The following MMP8 variants were observed in gnomAD, a reference collection of about 807,000 sequenced individuals.
The protein encoded by MMP8 is matrix metallopeptidase 8, also known as neutrophil collagenase.
Under a neutral mutation model 51.2 loss-of-function variants are expected in MMP8, and 67 were observed. The ratio of observed to expected loss-of-function variants is 1.31; its 90% CI spans 1.08 to 1.60. The LOEUF (loss-of-function observed/expected upper bound fraction) is 1.60. Among genes scored for constraint, MMP8 ranks in the 40% most tolerant of loss-of-function variants. MMP8 has a pLI of 0.00. For missense variants in MMP8, 654 were observed against 558.1 expected (o/e 1.17, Z -1.73); for synonymous variants, 225 against 191.0 (o/e 1.18, Z -1.47).
rs1861500684 is a variant in MMP8, at chr11:102,722,453, C to T, written c.323G>A (p.Trp108Ter). ...CCTGTAGGTCAAGTTAGTGCGTTCC[C>T]ACTTGGGGTTTCCTGGGGTTAACAT... is the stretch of plus-strand genomic sequence containing the variant. ...GFMLTPGNPK[W>*]ERTNLTYRIR... is the part of the protein sequence containing the mutation. The change falls in exon 2 of 10, where the codon TGG (tryptophan) becomes TAG (stop). Residue 108 changes from tryptophan to a stop codon, truncating the protein, a stop_gained. Coordinates refer to ENST00000236826, the MANE Select transcript of MMP8 (RefSeq NM_002424.3). LOFTEE classifies it high-confidence loss of function. 1 of 1,613,620 alleles carries T rather than the reference C, an allele frequency of 6.2e-7. No individual in the cohort carries two copies. The highest frequency in any genetic ancestry group is 1.3e-5 in the African/African-American group (1 of 74,876).
At chr11:102,721,341 T>TG in intron 4 of MMP8, 60 bp downstream of exon 4, 14 of 1,597,002 alleles carry the variant, frequency 8.8e-6, no homozygotes, top group African/African-American at 1.3e-5. Context: ...TGTGTGTGTA[T>TG]TCTAATCTGT....
chr11:102,724,105 C>T (rs1284765460), intron 1 of MMP8, among the ~76,000 whole-genome samples: 1 of 152,138 alleles, frequency 6.6e-6, no homozygotes, highest in Non-Finnish European at 1.5e-5. Flanking sequence ...AATAATAATG[C>T]TTTCTCCAAA....
At chr11:102,719,956 C>T (rs1861419618) in intron 4 of MMP8, among the ~76,000 whole-genome samples, 1 of 152,114 alleles carries the variant, frequency 6.6e-6, no homozygotes, top group Non-Finnish European at 1.5e-5. Context: ...CATAGCATGG[C>T]AAGATGAGAG....
Position 102,715,352 on chromosome 11 carries a change from G to A in MMP8, c.988C>T (p.Gln330Ter). ...CTGTCAAAATCTTCATAAGCAGCCT[G>A]TATACCAGTTGGAAGGGATGGCCAG... ...LFWPSLPTGI[Q>*]AAYEDFDRDL... The change falls in exon 7 of 10, where the codon CAG becomes TAG. Residue 330 changes from glutamine to a stop codon, truncating the protein, a stop_gained. Transcript: ENST00000236826. LOFTEE classifies it high-confidence loss of function. 1 of 1,613,626 alleles carries A rather than the reference G, an allele frequency of 6.2e-7. No homozygotes were observed. Among genetic ancestry groups the A allele is most frequent in the East Asian group, 2.2e-5 (1 of 44,846 alleles).
chr11:102,722,590 C>T lies in MMP8; in HGVS notation c.186G>A (p.Lys62=), dbSNP rs1486213108. 1.2e-6 allele frequency: 2 copies of T among 1,613,960 alleles called. No individual in the cohort carries two copies. Among genetic ancestry groups the T allele is most frequent in the East Asian group, 2.2e-5 (1 of 44,884 alleles). The change falls in exon 2 of 10, where the codon AAG becomes AAA. Residue 62 remains lysine (K), a synonymous_variant. Coordinates refer to ENST00000236826, the MANE Select transcript of MMP8 (RefSeq NM_002424.3). ...RKNGTNVIVE[K]LKEMQRFFGL... is the part of the protein sequence containing the mutation. ...CAAAAAATCGCTGCATTTCTTTAAG[C>T]TTTTCAACGATCACATTAGTGCCAT... is the stretch of plus-strand genomic sequence containing the variant.
chr11:102,714,987 A>G (rs982049509), intron 7 of MMP8, among the ~76,000 whole-genome samples: 2 of 151,996 alleles, frequency 1.3e-5, no homozygotes, highest in South Asian at 2.1e-4. Context: ...AGTTTGTGTG[A>G]CTTTTATGCA....
At chr11:102,723,275 A>C (rs999912545) in intron 1 of MMP8, among the ~76,000 whole-genome samples, 7 of 152,208 alleles carry the variant, frequency 4.6e-5, no homozygotes, top group African/African-American at 7.2e-5. Flanking sequence ...AATTTAGTCA[A>C]AATCCAAAGA....
chr11:102,718,757 G>A (rs1861382154), intron 4 of MMP8, among the ~76,000 whole-genome samples, 182 bp from the exon 5 acceptor site: 1 of 152,140 alleles, frequency 6.6e-6, no homozygotes, highest in Admixed American at 6.5e-5. Context: ...TCAAGATAGT[G>A]GTCATAGATG....
At position 102,711,953 on chromosome 11, in the gene MMP8, CATATTTATTGTATAATAAGCT is replaced by C. The variant is rs1291161515; in HGVS notation, c.*1374_*1394del. On this transcript the variant is annotated 3_prime_UTR_variant, in exon 10 of 10. Transcript: ENST00000236826. The stretch of plus-strand genomic sequence containing the variant: ...AGTGAGAAATATATTTTACAGTCTA[CATATTTATTGTATAATAAGCT>C]ATATTATATTCTAATAACAGCAAAT... 4.6e-5 allele frequency: 7 copies of C among 152,228 alleles called. No homozygotes were observed. The highest frequency in any genetic ancestry group is 1.4e-4 in the African/African-American group (6 of 41,548). 9.4% of individuals were successfully genotyped at this position (152,228 alleles called of 1,614,324 possible).
chr11:102,711,897 A>G lies in MMP8; in HGVS notation c.*1451T>C, dbSNP rs2134286802. The G allele has an allele frequency of 6.6e-6, 1 of 152,292 alleles. No homozygotes were observed. The highest frequency in any genetic ancestry group is 2.1e-4 in the South Asian group (1 of 4,820). The allele number at this position is 152,292 out of a possible 1,614,324, so 9.4% of individuals were successfully genotyped here. On this transcript the variant is annotated 3_prime_UTR_variant, in exon 10 of 10. Coordinates refer to ENST00000236826, the MANE Select transcript of MMP8 (RefSeq NM_002424.3). ...ATTTAATTATCTGTGGGATTTAAAA[A>G]CTTCAACAGAGAAAGAAAATAGGAG...
At chr11:102,713,913 A>C (rs868322465) in intron 8 of MMP8, 56 bp from the exon 9 acceptor site, 5 of 1,354,294 alleles carry the variant, frequency 3.7e-6, no homozygotes, top group Admixed American at 4.6e-5. Context: ...TAACGAAAAA[A>C]ATTTTTTTTA....
At chr11:102,723,618 G>A in intron 1 of MMP8, 2 of 403,646 alleles carry the variant, frequency 5.0e-6, no homozygotes, top group Non-Finnish European at 9.9e-6. Flanking sequence ...ACAAAGGGCA[G>A]CCCCTCTTTA....
rs1248731879 is a variant in MMP8, at chr11:102,712,107, C to T, written c.*1241G>A. On this transcript the variant is annotated 3_prime_UTR_variant, in exon 10 of 10. Transcript: ENST00000236826. ...GTTAGCAAACTTACACATCTAAGCTCAGTTTAATGCAACTTAATGAGACAT... is the reference window on the plus strand; with the variant it reads ...GTTAGCAAACTTACACATCTAAGCTTAGTTTAATGCAACTTAATGAGACAT... 6.6e-6 allele frequency: 1 copy of T among 152,176 alleles called. No homozygotes were observed. Among genetic ancestry groups the T allele is most frequent in the Non-Finnish European group, 1.5e-5 (1 of 68,032 alleles). 9.4% of individuals were successfully genotyped at this position (152,176 alleles called of 1,614,324 possible).
rs779405721 is a variant in MMP8 at position 102,721,883 on chromosome 11, G to A, written c.348-121C>T. Reference sequence around the variant, plus strand: ...GGTGTGCTACCACTGGAGAGGATAAGGAGGGAGTGCAGGTCTCAGGGTGGA... The same window carrying A: ...GGTGTGCTACCACTGGAGAGGATAAAGAGGGAGTGCAGGTCTCAGGGTGGA... On this transcript the variant is annotated intron_variant, in intron 2 of 9. Transcript: ENST00000236826. The A allele has an allele frequency of 3.4e-6, 4 of 1,171,360 alleles. 1 individual carries two copies. The South Asian group carries it at 4.5e-5, about 13-fold the overall frequency. The allele number at this position is 1,171,360 out of a possible 1,614,324, so 72.6% of individuals were successfully genotyped here.
chr11:102,713,292 T>C lies in MMP8; in HGVS notation c.*56A>G, dbSNP rs1939018. ...GCAGGACACAATGTAACGAAAATGC[T>C]TGCTGAACTTCCCTTCAACATTCTG... On this transcript the variant is annotated 3_prime_UTR_variant, in exon 10 of 10. Transcript: ENST00000236826. The C allele has an allele frequency of 1.6e-6, 2 of 1,216,134 alleles. No individual in the cohort carries two copies. The highest frequency in any genetic ancestry group is 2.4e-6 in the Non-Finnish European group (2 of 819,462). 75.3% of individuals were successfully genotyped at this position (1,216,134 alleles called of 1,614,324 possible). A position where few individuals can be genotyped will look rare whatever the true frequency, so the allele number is the denominator to read the frequency against.
intron 6 of MMP8, 81 bp downstream of exon 6, chr11:102,716,221 C>T: frequency 9.9e-7 from 1 of 1,007,858 alleles, no homozygotes; most frequent in African/African-American, 1.6e-5. Context: ...GAAAAGGTGA[C>T]TAACGTGTGA....
chr11:102,724,609 C>T (rs1342306168), intron 1 of MMP8, 145 bp downstream of exon 1: 3 of 696,222 alleles, frequency 4.3e-6, no homozygotes, highest in Non-Finnish European at 4.5e-6. Flanking sequence ...TTGGAACCCT[C>T]CAAATCACTA....
rs183196540 is a variant in MMP8 at position 102,712,167 on chromosome 11, T to G, written c.*1181A>C. 1.1e-4 allele frequency: 16 copies of G among 152,282 alleles called. No homozygotes were observed. In the East Asian group the frequency reaches 2.9e-3, roughly 28 times the overall value. 9.4% of individuals were successfully genotyped at this position (152,282 alleles called of 1,614,324 possible). A position where few individuals can be genotyped will look rare whatever the true frequency, so the allele number is the denominator to read the frequency against. ...TGCAGCTAACCCAAGTTATCTATAGTGTGTGCCCTCCTGAGTACCCCAGGA... is the reference window on the plus strand; with the variant it reads ...TGCAGCTAACCCAAGTTATCTATAGGGTGTGCCCTCCTGAGTACCCCAGGA... On this transcript the variant is annotated 3_prime_UTR_variant, in exon 10 of 10. Coordinates refer to ENST00000236826, the MANE Select transcript of MMP8 (RefSeq NM_002424.3).
At chr11:102,714,476 C>A (rs1309239375) in intron 8 of MMP8, 80 bp downstream of exon 8, 1 of 1,008,926 alleles carries the variant, frequency 9.9e-7, no homozygotes. Context: ...TTGTTTTAAA[C>A]CTTGAAATGC....
Sources: gnomAD v4.1 joint callset for allele counts (sites outside exome capture counted in the v4.1 genomes callset) on GRCh38, gnomAD v4.1.1 for gene constraint, MANE v1.5 for transcripts, NCBI Gene and HGNC (gene_info 2026-07-23, HGNC 2026-07-21) for gene names.